The following SLC25A13 variants were observed in gnomAD, a reference collection of about 807,000 sequenced individuals.
The protein encoded by SLC25A13 is solute carrier family 25 member 13.
Under a neutral mutation model 85.5 loss-of-function variants are expected in SLC25A13, and 70 were observed. The observed-to-expected ratio is 0.82, with a 90% CI of 0.68 to 1.00. The LOEUF is 1.00. Among genes scored for constraint, SLC25A13 ranks in the 50% least tolerant of loss-of-function variants. The probability of loss-of-function intolerance (pLI) is 0.00; values close to 1 mark genes in which losing one functional copy is unlikely to be tolerated. For missense variants in SLC25A13, 765 were observed against 819.8 expected, an observed-to-expected ratio of 0.93 and a Z score of 0.82; for synonymous variants, 259 against 288.7, an observed-to-expected ratio of 0.90 and a Z score of 1.04.
chr7:96,138,905 T>C (rs1482847122), intron 14 of SLC25A13, among the ~76,000 whole-genome samples: 1 of 152,242 alleles, frequency 6.6e-6, no homozygotes, highest in Non-Finnish European at 1.5e-5. Context: ...CATCTCCTTT[T>C]AATTTGCTAT....
At chr7:96,152,091 G>A (rs1793073229) in intron 13 of SLC25A13, among the ~76,000 whole-genome samples, 1 of 152,188 alleles carries the variant, frequency 6.6e-6, no homozygotes, top group African/African-American at 2.4e-5. Flanking sequence ...GATGCCAGCG[G>A]CACACTTACA....
intron 4 of SLC25A13, among the ~76,000 whole-genome samples, chr7:96,210,322 G>A (rs1164432257): frequency 6.6e-6 from 1 of 151,906 alleles, no homozygotes; most frequent in Non-Finnish European, 1.5e-5. Flanking sequence ...TTTACTTTTA[G>A]GGAAAAAAGA....
intron 13 of SLC25A13, among the ~76,000 whole-genome samples, chr7:96,153,234 A>T (rs1012768228): frequency 1.1e-4 from 17 of 152,338 alleles, no homozygotes; most frequent in South Asian, 4.1e-4. Flanking sequence ...TTGGAGATTT[A>T]AAAAAATCAA....
At chr7:96,235,906 A>G (rs1329843259) in intron 3 of SLC25A13, among the ~76,000 whole-genome samples, 2 of 152,150 alleles carry the variant, frequency 1.3e-5, no homozygotes, top group African/African-American at 2.4e-5. Flanking sequence ...GGTCCATAAA[A>G]GCTTTCCTAG....
intron 3 of SLC25A13, among the ~76,000 whole-genome samples, chr7:96,263,216 G>A (rs1797924530): frequency 6.6e-6 from 1 of 152,054 alleles, no homozygotes; most frequent in South Asian, 2.1e-4. Context: ...GTGAATGTCA[G>A]CCTTGACCAA....
At chr7:96,257,297 A>G (rs1286832074) in intron 3 of SLC25A13, among the ~76,000 whole-genome samples, 2 of 152,190 alleles carry the variant, frequency 1.3e-5, no homozygotes, top group East Asian at 1.9e-4. Context: ...GAAAAGATTA[A>G]CCAAATAGAT....
At chr7:96,260,063 G>A (rs1217876095) in intron 3 of SLC25A13, among the ~76,000 whole-genome samples, 2 of 151,316 alleles carry the variant, frequency 1.3e-5, no homozygotes, top group Non-Finnish European at 1.5e-5. Context: ...GGGGGGTGGG[G>A]AGCAAGGGGA....
chr7:96,127,516 C>G (rs1791779638), intron 15 of SLC25A13, among the ~76,000 whole-genome samples: 1 of 152,168 alleles, frequency 6.6e-6, no homozygotes, highest in Admixed American at 6.5e-5. Flanking sequence ...TAAAAAGCTA[C>G]ATATTACTAA....
intron 15 of SLC25A13, among the ~76,000 whole-genome samples, chr7:96,130,079 A>T (rs536423980): frequency 4.2e-4 from 64 of 152,340 alleles, no homozygotes; most frequent in African/African-American, 1.3e-3. Flanking sequence ...AAAATCATTT[A>T]AAAAAGGAGA....
At chr7:96,124,386 A>G (rs1009397588) in intron 15 of SLC25A13, among the ~76,000 whole-genome samples, 9 of 152,338 alleles carry the variant, frequency 5.9e-5, no homozygotes, top group African/African-American at 2.2e-4. Flanking sequence ...GCAGTGTGAT[A>G]AAGTTTTTCA....
chr7:96,216,895 A>C (rs561735889), intron 4 of SLC25A13, among the ~76,000 whole-genome samples: 9 of 152,288 alleles, frequency 5.9e-5, no homozygotes, highest in African/African-American at 2.2e-4. Flanking sequence ...CCTGAACTTA[A>C]AATAAAAAAG....
chr7:96,184,989 C>G lies in SLC25A13; in HGVS notation c.956G>C (p.Arg319Pro), dbSNP rs771449632. Residue 319 changes from arginine to proline, a missense_variant, in exon 10 of 18, where the codon CGA (arginine) becomes CCA (proline). Transcript: ENST00000265631. ...CTCTGCAACTTGTAGAAGAACTGGTCGAGCTGAATCACCTGAGGCCTTCTG... is the reference window on the plus strand; with the variant it reads ...CTCTGCAACTTGTAGAAGAACTGGTGGAGCTGAATCACCTGAGGCCTTCTG... ...QRQKASGDSA[R>P]PVLLQVAESA... The G allele has an allele frequency of 1.1e-5, 18 of 1,614,078 alleles. No individual in the cohort carries two copies. The East Asian group carries it at 4.0e-4, about 36-fold the overall frequency.
At position 96,138,054 on chromosome 7, in the gene SLC25A13, G is replaced by A. The variant is rs1792358376; in HGVS notation, c.1453-6173C>T. Among the ~76,000 whole-genome samples, 5 of 152,262 alleles carry A rather than the reference G, an allele frequency of 3.3e-5. No homozygotes were observed. The South Asian group carries it at 1.0e-3, about 32-fold the overall frequency. ...CACCTTCCAGAATTTCCTTCATTAAGGTTCTACTGGTGACACACTTTCTGA... is the reference window on the plus strand; with the variant it reads ...CACCTTCCAGAATTTCCTTCATTAAAGTTCTACTGGTGACACACTTTCTGA... On this transcript the variant is annotated intron_variant, in intron 14 of 17. Transcript: ENST00000265631.
rs142114943 is a variant in SLC25A13, at chr7:96,317,229, G to A, written c.15+4713C>T. Among the ~76,000 whole-genome samples the A allele has an allele frequency of 2.8e-3, 429 of 152,078 alleles. 3 individuals carry two copies. The highest frequency in any genetic ancestry group is 9.8e-3 in the African/African-American group (407 of 41,492). Reference sequence around the variant, plus strand: ...TGATTCACCTGCCTCGGCCTCCCAAGGTGCTGGGATTATAGGTGTGAGCCA... The same window carrying A: ...TGATTCACCTGCCTCGGCCTCCCAAAGTGCTGGGATTATAGGTGTGAGCCA... On this transcript the variant is annotated intron_variant, in intron 1 of 17. Coordinates refer to ENST00000265631, the MANE Select transcript of SLC25A13 (RefSeq NM_014251.3).
rs1584478781 is a variant in SLC25A13, at chr7:96,224,767, A to T, written c.328+10035T>A. 2.6e-5 allele frequency among the ~76,000 whole-genome samples: 4 copies of T among 152,290 alleles called. No individual in the cohort carries two copies. In the East Asian group the frequency reaches 7.7e-4, roughly 29 times the overall value. Reference sequence around the variant, plus strand: ...GTTCTTTACTTCATGAAAAATATTAAATCCTTCTAATGTCTGATACAGACT... The same window carrying T: ...GTTCTTTACTTCATGAAAAATATTATATCCTTCTAATGTCTGATACAGACT... On this transcript the variant is annotated intron_variant, in intron 4 of 17. Transcript: ENST00000265631.
At chr7:96,229,870 T>G (rs1434611788) in intron 4 of SLC25A13, among the ~76,000 whole-genome samples, 2 of 151,942 alleles carry the variant, frequency 1.3e-5, no homozygotes, top group Non-Finnish European at 2.9e-5. Context: ...ACCACGAGGG[T>G]CCGCAGCTTC....
intron 3 of SLC25A13, among the ~76,000 whole-genome samples, chr7:96,249,732 A>C (rs948498284): frequency 6.6e-6 from 1 of 152,194 alleles, no homozygotes; most frequent in African/African-American, 2.4e-5. Flanking sequence ...TGTTGGGAGT[A>C]CTTTATATTT....
intron 4 of SLC25A13, among the ~76,000 whole-genome samples, chr7:96,218,228 A>T (rs534107181): frequency 1.9e-4 from 29 of 152,284 alleles, no homozygotes; most frequent in African/African-American, 6.7e-4. Flanking sequence ...AAAAGCAATA[A>T]TTTTCCTCAA....
At chr7:96,216,272 A>T (rs1314786683) in intron 4 of SLC25A13, among the ~76,000 whole-genome samples, 3 of 152,208 alleles carry the variant, frequency 2.0e-5, no homozygotes, top group Non-Finnish European at 4.4e-5. Context: ...GGTTGCAGAG[A>T]AAAAGGAACA....
Sources: allele counts gnomAD v4.1 joint callset (sites outside exome capture counted in the v4.1 genomes callset), GRCh38; gene constraint gnomAD v4.1.1; transcripts MANE v1.5; gene names NCBI Gene and HGNC (gene_info 2026-07-23, HGNC 2026-07-21).